Variants in DERPC observed in about 807,000 individuals in gnomAD.
DERPC encodes DERPC proline and glycine rich nuclear protein.
In DERPC, 1 loss-of-function variant was observed where a neutral mutation model predicts 7.2. The observed-to-expected ratio is 0.14, with a 90% CI of 0.05 to 0.66. The LOEUF (loss-of-function observed/expected upper bound fraction) is 0.66. Among genes scored for constraint, DERPC ranks in the 30% least tolerant of loss-of-function variants. The pLI is 0.84. For missense variants in DERPC, 502 were observed against 299.4 expected (o/e 1.68, Z -4.99); for synonymous variants, 185 against 117.6 (o/e 1.57, Z -3.71).
Position 69,119,625 on chromosome 16 carries a change from A to G in DERPC, c.804T>C (p.Ala268=). ...GGGCAAGATCGAGGCCTTGAGGTCC[A>G]GCCATTCTTAAGTTAAGACCAGATC... ...GTGSGLNLRM[A]GPQGLDLAPI... The change falls in exon 3 of 3, where the codon GCT becomes GCC. Residue 268 remains alanine, a synonymous_variant. Transcript: ENST00000519520. 1.4e-6 allele frequency: 1 copy of G among 691,320 alleles called. No homozygotes were observed. Among genetic ancestry groups the G allele is most frequent in the Non-Finnish European group, 2.6e-6 (1 of 378,552 alleles). The allele number at this position is 691,320 out of a possible 1,614,324, so 42.8% of individuals were successfully genotyped here. A position where few individuals can be genotyped will look rare whatever the true frequency, so the allele number is the denominator to read the frequency against.
Position 69,118,916 on chromosome 16 carries a change from C to T in DERPC, c.1513G>A (p.Ala505Thr). Reference sequence around the variant, plus strand: ...ATTGGACCCCCTGGTCTGGGGAAAGCAGCTGGGTTTGTGCCAGGGAGGCTC... The same window carrying T: ...ATTGGACCCCCTGGTCTGGGGAAAGTAGCTGGGTTTGTGCCAGGGAGGCTC... ...VGSLPGTNPA[A>T]FPRPGGPMAA... The change falls in exon 3 of 3, where the codon GCT (alanine) becomes ACT (threonine). Residue 505 changes from alanine to threonine, a missense_variant. Ala to Thr is a moderately conservative substitution (Grantham distance 58, BLOSUM62 0). Transcript: ENST00000519520. The T allele has an allele frequency of 1.4e-6, 1 of 703,098 alleles. No individual in the cohort carries two copies. The highest frequency in any genetic ancestry group is 2.6e-6 in the Non-Finnish European group (1 of 385,034). The allele number at this position is 703,098 out of a possible 1,614,324, so 43.6% of individuals were successfully genotyped here.
At chr16:69,121,118 T>C (rs768647432) in intron 2 of DERPC, 10 of 1,613,706 alleles carry the variant, frequency 6.2e-6, no homozygotes, top group Non-Finnish European at 8.5e-6. Context: ...CGAGCCTCGA[T>C]CTCCCCCTGT....
In DERPC at chr16:69,120,518, G is replaced by A. The variant is rs1358330588; in HGVS notation, c.-90C>T. 4 of 1,613,992 alleles carry A rather than the reference G, an allele frequency of 2.5e-6. No homozygotes were observed. Among genetic ancestry groups the A allele is most frequent in the African/African-American group, 2.7e-5 (2 of 74,892 alleles). On this transcript the variant is annotated 5_prime_UTR_variant, in exon 3 of 3. Coordinates refer to ENST00000519520, the MANE Select transcript of DERPC (RefSeq NM_001002847.4). This position sits in a 1 kb window ranked among gnomAD's most constrained non-coding sequence, Gnocchi z 4.0. ...TGAGTGCTGTCACCAGGTACCGGGT[G>A]CCAGTCTCGCGGCCAAGCTCATCAC...
At chr16:69,125,371 A>G (rs1204990994) in intron 1 of DERPC, among the ~76,000 whole-genome samples, 1 of 152,244 alleles carries the variant, frequency 6.6e-6, no homozygotes, top group Non-Finnish European at 1.5e-5. Flanking sequence ...CTACTGAGGC[A>G]CACACAGATG....
Position 69,120,626 on chromosome 16 carries a change from C to A in DERPC, c.-198G>T, listed in dbSNP as rs773392209. On this transcript the variant is annotated 5_prime_UTR_variant, in exon 3 of 3. Coordinates refer to ENST00000519520, the MANE Select transcript of DERPC (RefSeq NM_001002847.4). This position sits in a 1 kb window ranked among gnomAD's most constrained non-coding sequence, Gnocchi z 4.0. ...TGATTTTCCCATACAGGATATGATG[C>A]CCCACGATCAGCACAGGGATTCCCT... 5 of 1,612,150 alleles carry A rather than the reference C, an allele frequency of 3.1e-6. No individual in the cohort carries two copies. The Admixed American group carries it at 8.3e-5, about 27-fold the overall frequency.
In DERPC at chr16:69,124,311, G is replaced by A. The variant is rs1354051407; in HGVS notation, c.-279-2818C>T. On this transcript the variant is annotated intron_variant, in intron 1 of 2. Transcript: ENST00000519520. ...TGGCTAAGTACTGTCAATGTATTATGCAGTTTAGTGGAAGGTTATTAGTTC... is the reference window on the plus strand; with the variant it reads ...TGGCTAAGTACTGTCAATGTATTATACAGTTTAGTGGAAGGTTATTAGTTC... 2.0e-5 allele frequency among the ~76,000 whole-genome samples: 3 copies of A among 152,160 alleles called. No individual in the cohort carries two copies. The South Asian group carries it at 6.2e-4, about 31-fold the overall frequency.
chr16:69,122,365 CTTTTT>C (rs869246617), intron 1 of DERPC, among the ~76,000 whole-genome samples: 4 of 140,436 alleles, frequency 2.8e-5, no homozygotes, highest in South Asian at 4.5e-4. Context: ...TAAGGATATT[CTTTTT>C]TTTTTTTTTT....
chr16:69,132,574 T>A lies in DERPC; in HGVS notation c.-370A>T. 9.9e-6 allele frequency: 4 copies of A among 404,154 alleles called. No individual in the cohort carries two copies. The highest frequency in any genetic ancestry group is 2.0e-5 in the Non-Finnish European group (4 of 204,994). The allele number at this position is 404,154 out of a possible 1,614,324, so 25.0% of individuals were successfully genotyped here. On this transcript the variant is annotated 5_prime_UTR_variant, in exon 1 of 3. Transcript: ENST00000519520. ...CGTCGCCGCCGCCGCGAGCACTGCC[T>A]GCGCACTTCCGACTATGCGCCAGGA...
chr16:69,118,278 CCAGT>C lies in DERPC; in HGVS notation c.*572_*575del, dbSNP rs1284684739. 5 of 915,596 alleles carry C rather than the reference CCAGT, an allele frequency of 5.5e-6. No homozygotes were observed. Among genetic ancestry groups the C allele is most frequent in the Non-Finnish European group, 7.2e-6 (4 of 551,764 alleles). 56.7% of individuals were successfully genotyped at this position (915,596 alleles called of 1,614,324 possible). On this transcript the variant is annotated 3_prime_UTR_variant, in exon 3 of 3. Transcript: ENST00000519520. ...GTCCCAGGAGAAGGGAGCTGCAGGC[CCAGT>C]CAGTCAAGCAGAAACTGCATTCGGT...
intron 1 of DERPC, among the ~76,000 whole-genome samples, chr16:69,131,601 C>T (rs929456924): frequency 1.4e-5 from 2 of 142,714 alleles, no homozygotes; most frequent in Non-Finnish European, 3.1e-5. Context: ...CAATCCGCTT[C>T]CCCCCTCTTC....
Position 69,131,758 on chromosome 16 carries a change from C to T in DERPC, c.-280+726G>A, listed in dbSNP as rs529266558. ...TTCCCAAAGATTACTCTTTAAACGT[C>T]CTTTCTCTACCACCCTCGTTCTCCA... On this transcript the variant is annotated intron_variant, in intron 1 of 2. Transcript: ENST00000519520. Among the ~76,000 whole-genome samples the T allele has an allele frequency of 3.0e-4, 46 of 151,902 alleles. No individual in the cohort carries two copies. The South Asian group carries it at 9.4e-3, about 31-fold the overall frequency.
intron 1 of DERPC, among the ~76,000 whole-genome samples, chr16:69,128,932 C>T (rs757998510): frequency 6.6e-6 from 1 of 152,032 alleles, no homozygotes; most frequent in African/African-American, 2.4e-5. Context: ...GGCATGGTGG[C>T]GCTCACCTGT....
chr16:69,124,124 G>A (rs1034944524), intron 1 of DERPC, among the ~76,000 whole-genome samples: 2 of 146,042 alleles, frequency 1.4e-5, no homozygotes, highest in Non-Finnish European at 3.0e-5. Context: ...AAAAAAAAAA[G>A]GATAATATGC....
rs745593358 is a variant in DERPC at position 69,118,305 on chromosome 16, G to A, written c.*549C>T. 6 of 1,162,764 alleles carry A rather than the reference G, an allele frequency of 5.2e-6. No individual in the cohort carries two copies. The highest frequency in any genetic ancestry group is 2.4e-5 in the South Asian group (2 of 81,752). The allele number at this position is 1,162,764 out of a possible 1,614,324, so 72.0% of individuals were successfully genotyped here. A position where few individuals can be genotyped will look rare whatever the true frequency, so the allele number is the denominator to read the frequency against. ...AGTCAGTCAAGCAGAAACTGCATTC[G>A]GTGGGTCTTTCTTTGAAGTGGTTGT... On this transcript the variant is annotated 3_prime_UTR_variant, in exon 3 of 3. Coordinates refer to ENST00000519520, the MANE Select transcript of DERPC (RefSeq NM_001002847.4).
intron 1 of DERPC, among the ~76,000 whole-genome samples, chr16:69,126,969 G>A (rs373860622): frequency 5.9e-5 from 9 of 152,056 alleles, no homozygotes; most frequent in African/African-American, 4.8e-5. Flanking sequence ...GTATGAGGCC[G>A]GGCGCGGTGG....
Position 69,120,220 on chromosome 16 carries a change from G to A in DERPC, c.209C>T (p.Ser70Phe), listed in dbSNP as rs778132774. The A allele has an allele frequency of 1.4e-5, 10 of 704,820 alleles. No homozygotes were observed. The South Asian group carries it at 1.5e-4, about 10-fold the overall frequency. 43.7% of individuals were successfully genotyped at this position (704,820 alleles called of 1,614,324 possible). A position where few individuals can be genotyped will look rare whatever the true frequency, so the allele number is the denominator to read the frequency against. ...GNLTPFPRNP[S>F]PFPASSGSLA... ...TGAGCCTGATGAAGCTGGAAAAGGAGATGGGTTCCTTGGAAATGGGGTCAG... is the reference window on the plus strand; with the variant it reads ...TGAGCCTGATGAAGCTGGAAAAGGAAATGGGTTCCTTGGAAATGGGGTCAG... Residue 70 changes from serine to phenylalanine, a missense_variant, in exon 3 of 3, where the codon TCT becomes TTT. By Grantham distance (155) the Ser-to-Phe change is radical. Coordinates refer to ENST00000519520, the MANE Select transcript of DERPC (RefSeq NM_001002847.4). The surrounding 1 kb of genome is among the most constrained non-coding windows in gnomAD (Gnocchi z 4.0).
At position 69,120,222 on chromosome 16, in the gene DERPC, T is replaced by C. The variant is rs1431661588; in HGVS notation, c.207A>G (p.Pro69=). 2 of 704,754 alleles carry C rather than the reference T, an allele frequency of 2.8e-6. No individual in the cohort carries two copies. The highest frequency in any genetic ancestry group is 2.6e-6 in the Non-Finnish European group (1 of 386,752). 43.7% of individuals were successfully genotyped at this position (704,754 alleles called of 1,614,324 possible). ...GGNLTPFPRN[P]SPFPASSGSL... is the part of the protein sequence containing the mutation. The stretch of plus-strand genomic sequence containing the variant: ...AGCCTGATGAAGCTGGAAAAGGAGA[T>C]GGGTTCCTTGGAAATGGGGTCAGAT... The change falls in exon 3 of 3, where the codon CCA becomes CCG. Residue 69 remains proline, a synonymous_variant. Coordinates refer to ENST00000519520, the MANE Select transcript of DERPC (RefSeq NM_001002847.4). This position sits in a 1 kb window ranked among gnomAD's most constrained non-coding sequence, Gnocchi z 4.0.
intron 2 of DERPC, chr16:69,121,035 A>G (rs1265039255): frequency 1.2e-6 from 2 of 1,603,686 alleles, no homozygotes; most frequent in Admixed American, 3.3e-5. Context: ...TTAGGCAGGG[A>G]AAGAAAAGCC....
At chr16:69,121,767 A>G (rs1359783234) in intron 1 of DERPC, among the ~76,000 whole-genome samples, 1 of 151,978 alleles carries the variant, frequency 6.6e-6, no homozygotes, top group Non-Finnish European at 1.5e-5. Flanking sequence ...TCCGGGGTTC[A>G]TGCCATTCTC....
Sources: gnomAD v4.1 joint callset for allele counts (sites outside exome capture counted in the v4.1 genomes callset) on GRCh38, gnomAD v4.1.1 for gene constraint, Gnocchi (gnomAD v3.1) non-coding constraint, MANE v1.5 for transcripts, NCBI Gene and HGNC (gene_info 2026-07-23, HGNC 2026-07-21) for gene names.